Variants in GNL3L observed in about 807,000 individuals in gnomAD.
GNL3L encodes G protein nucleolar 3 like.
In GNL3L, 4 loss-of-function variants were observed where a neutral mutation model predicts 42.9. The observed-to-expected ratio is 0.09, with a 90% CI of 0.05 to 0.21. The LOEUF is 0.21. Among genes scored for constraint, GNL3L ranks in the 10% least tolerant of loss-of-function variants. GNL3L has a pLI of 1.00. For synonymous variants in GNL3L, 159 were observed against 176.3 expected (o/e 0.90, Z 0.78); for missense variants, 412 against 481.7 (o/e 0.86, Z 1.36).
At chrX:54,590,104 T>G (rs188737859) in intron 16 of GNL3L, among the ~76,000 whole-genome samples, 33 of 110,973 alleles carry the variant, frequency 3.0e-4, no homozygotes, top group African/African-American at 1.0e-3. Flanking sequence ...CATGCCCAGC[T>G]AATTTTTGTA....
At chrX:54,554,457 C>T (rs1925025708) in intron 13 of GNL3L, 108 bp from the exon 14 acceptor site, 4 of 760,688 alleles carry the variant, frequency 5.3e-6, no homozygotes, top group Non-Finnish European at 7.6e-6. Flanking sequence ...AGTTCCTGCA[C>T]CTGACTCCCC....
chrX:54,613,408 A>G (rs1224961197), intron 16 of GNL3L, among the ~76,000 whole-genome samples: 1 of 111,435 alleles, frequency 9.0e-6, no homozygotes, highest in Non-Finnish European at 1.9e-5. Flanking sequence ...TAGCTTAATA[A>G]CTAACCTCCT....
chrX:54,618,124 C>A (rs2147538748), intron 16 of GNL3L, among the ~76,000 whole-genome samples: 1 of 111,674 alleles, frequency 9.0e-6, no homozygotes, highest in Non-Finnish European at 1.9e-5. Context: ...CTTCAGTTAT[C>A]ATCTGTATGC....
chrX:54,620,138 C>T (rs1926269984), intron 16 of GNL3L, among the ~76,000 whole-genome samples: 1 of 111,366 alleles, frequency 9.0e-6, no homozygotes, highest in Non-Finnish European at 1.9e-5. Flanking sequence ...TACAATTATA[C>T]TCTTTCGGTT....
chrX:54,589,919 T>G (rs1602002627), intron 16 of GNL3L, among the ~76,000 whole-genome samples: 1 of 110,684 alleles, frequency 9.0e-6, no homozygotes, highest in East Asian at 2.8e-4. Flanking sequence ...TGTCTTTTGG[T>G]TACAAGCCAT....
At chrX:54,579,277 C>T (rs908040214) in intron 16 of GNL3L, among the ~76,000 whole-genome samples, 1 of 111,586 alleles carries the variant, frequency 9.0e-6, no homozygotes, top group Non-Finnish European at 1.9e-5. Context: ...TCTTAGAAAT[C>T]TTCGCTTTAC....
chrX:54,606,183 C>T (rs1926058149), intron 16 of GNL3L, among the ~76,000 whole-genome samples: 1 of 110,915 alleles, frequency 9.0e-6, no homozygotes, highest in African/African-American at 3.3e-5. Flanking sequence ...ATTGAACTAC[C>T]ATTAGATTAA....
chrX:54,598,077 G>GTTAA (rs755966033), intron 16 of GNL3L, among the ~76,000 whole-genome samples: 3 of 111,461 alleles, frequency 2.7e-5, no homozygotes, highest in Non-Finnish European at 5.7e-5. Flanking sequence ...TTGTTAAATT[G>GTTAA]GTGTTCTTGC....
At chrX:54,579,986 G>GTTTTTTTTTTTTTTTT (rs869217575) in intron 16 of GNL3L, among the ~76,000 whole-genome samples, 1 of 47,704 alleles carries the variant, frequency 2.1e-5, no homozygotes, top group African/African-American at 9.8e-5. Context: ...CCTAAAGTTT[G>GTTTTTTTTTTTTTTTT]TTTTTTTTTT....
intron 7 of GNL3L, 55 bp downstream of exon 7, chrX:54,543,397 C>T (rs1338708796): frequency 1.9e-5 from 22 of 1,141,678 alleles, no homozygotes; most frequent in African/African-American, 1.3e-4. Context: ...CCATCTTTAA[C>T]GTCTAGCTTG....
At chrX:54,532,646 A>C in intron 2 of GNL3L, 61 bp downstream of exon 2, 1 of 955,157 alleles carries the variant, frequency 1.0e-6, no homozygotes, top group Non-Finnish European at 1.5e-6. Flanking sequence ...ATAGAATTTC[A>C]CAGCAACTTT....
At chrX:54,609,345 T>C (rs1316727306) in intron 16 of GNL3L, among the ~76,000 whole-genome samples, 2 of 112,830 alleles carry the variant, frequency 1.8e-5, no homozygotes, top group Admixed American at 9.3e-5. Flanking sequence ...CAAAGCTCTT[T>C]AGTTTAATTA....
At chrX:54,585,707 ATTGT>A (rs1267211509) in intron 16 of GNL3L, among the ~76,000 whole-genome samples, 1 of 110,422 alleles carries the variant, frequency 9.1e-6, no homozygotes, top group Non-Finnish European at 1.9e-5. Context: ...AATTTTGTTG[ATTGT>A]TTCTATTGTT....
intron 16 of GNL3L, among the ~76,000 whole-genome samples, chrX:54,612,399 ACATT>A (rs1333932552): frequency 1.8e-5 from 2 of 112,047 alleles, no homozygotes; most frequent in African/African-American, 6.5e-5. Flanking sequence ...TAGGCCATTT[ACATT>A]CAATGTTAGT....
At chrX:54,643,115 A>G in the GNL3L span, among the ~76,000 whole-genome samples, 1 of 112,008 alleles carries the variant, frequency 8.9e-6, no homozygotes, top group East Asian at 2.8e-4. Context: ...CCTTTTTCAT[A>G]TAACACTTAA....
chrX:54,622,054 G>A (rs1254298077), downstream of GNL3L, among the ~76,000 whole-genome samples: 2 of 110,294 alleles, frequency 1.8e-5, no homozygotes, highest in African/African-American at 6.6e-5. Context: ...TACTTTTAGA[G>A]TGCTTATATT....
At position 54,551,561 on chromosome X, in the gene GNL3L, G is replaced by T. The variant is rs778958675; in HGVS notation, c.864-7G>T. On this transcript the variant is annotated splice_polypyrimidine_tract_variant and splice_region_variant and intron_variant, in intron 10 of 15. Transcript: ENST00000360845. ...GTACATCTGGGCTTTCTTCTTCCCCGCCCCAGATTCATGCAGGAGGTCTAC... is the reference window on the plus strand; with the variant it reads ...GTACATCTGGGCTTTCTTCTTCCCCTCCCCAGATTCATGCAGGAGGTCTAC... 1 of 1,203,535 alleles carries T rather than the reference G, an allele frequency of 8.3e-7. No individual in the cohort carries two copies. Among genetic ancestry groups the T allele is most frequent in the Non-Finnish European group, 1.1e-6 (1 of 890,521 alleles).
intron 16 of GNL3L, among the ~76,000 whole-genome samples, chrX:54,606,631 A>G (rs1252532981): frequency 5.8e-5 from 6 of 103,571 alleles, no homozygotes; most frequent in African/African-American, 1.7e-4. Flanking sequence ...GTGTGCCACT[A>G]TGCCAGGCCA....
At chrX:54,637,250 T>C in the GNL3L span, among the ~76,000 whole-genome samples, 1 of 111,353 alleles carries the variant, frequency 9.0e-6, no homozygotes, top group Non-Finnish European at 1.9e-5. Flanking sequence ...ATTTTTTTCA[T>C]TGTACATATT....
Sources: gnomAD v4.1 joint callset for allele counts (sites outside exome capture counted in the v4.1 genomes callset) on GRCh38, gnomAD v4.1.1 for gene constraint, MANE v1.5 for transcripts, NCBI Gene and HGNC (gene_info 2026-07-23, HGNC 2026-07-21) for gene names.